Variants in SAMD12 observed in about 807,000 individuals in gnomAD.
SAMD12 encodes the protein sterile alpha motif domain containing 12.
In SAMD12, 9 loss-of-function variants were observed where a neutral mutation model predicts 15.0. The observed-to-expected ratio is 0.60, with a 90% CI of 0.36 to 1.05. SAMD12 has a LOEUF of 1.05. SAMD12 is among the 50% of genes least tolerant of loss of function. SAMD12 has a pLI of 0.01. For synonymous variants in SAMD12, 86 were observed against 90.1 expected (o/e 0.96, Z 0.25); for missense variants, 230 against 234.2 (o/e 0.98, Z 0.12).
At chr8:118,313,451 A>C (rs113238976) in intron 4 of SAMD12, among the ~76,000 whole-genome samples, 2,354 of 152,226 alleles carry the variant, frequency 0.015, 64 homozygotes, top group African/African-American at 0.053. Context: ...GAGACCTGCC[A>C]ATCTTCCCTC....
chr8:118,271,599 C>T (rs934062165), intron 4 of SAMD12, among the ~76,000 whole-genome samples: 1 of 152,152 alleles, frequency 6.6e-6, no homozygotes, highest in East Asian at 1.9e-4. Flanking sequence ...AAGTCCCTTC[C>T]ACCTATGAGC....
At chr8:118,294,970 A>G (rs1352071721) in intron 4 of SAMD12, among the ~76,000 whole-genome samples, 2 of 152,196 alleles carry the variant, frequency 1.3e-5, no homozygotes, top group Non-Finnish European at 2.9e-5. Context: ...TTATATAATT[A>G]TGGAGAAGGA....
At chr8:118,329,661 G>A (rs574330179) in intron 4 of SAMD12, among the ~76,000 whole-genome samples, 4 of 152,252 alleles carry the variant, frequency 2.6e-5, no homozygotes, top group East Asian at 3.9e-4. Flanking sequence ...GTACTGCGTC[G>A]CTTTGCCTGT....
intron 4 of SAMD12, among the ~76,000 whole-genome samples, chr8:118,201,370 G>A (rs766547279): frequency 1.1e-4 from 17 of 152,012 alleles, no homozygotes; most frequent in Non-Finnish European, 2.2e-4. Flanking sequence ...ACCACCTAGA[G>A]CGTCACTTCC....
At chr8:118,220,632 G>A (rs13278480) in intron 4 of SAMD12, among the ~76,000 whole-genome samples, 1 of 152,106 alleles carries the variant, frequency 6.6e-6, no homozygotes, top group Non-Finnish European at 1.5e-5. Context: ...ACAAACCCTA[G>A]GAGTCAGTTG....
At chr8:118,372,392 C>T (rs1819148611) in intron 4 of SAMD12, among the ~76,000 whole-genome samples, 1 of 151,104 alleles carries the variant, frequency 6.6e-6, no homozygotes, top group Non-Finnish European at 1.5e-5. Context: ...CTCCAGGAAG[C>T]ACTAGGTAGA....
intron 3 of SAMD12, among the ~76,000 whole-genome samples, chr8:118,405,379 A>C (rs1398560892): frequency 6.6e-6 from 1 of 151,956 alleles, no homozygotes; most frequent in Non-Finnish European, 1.5e-5. Context: ...AACAACAAAA[A>C]CTACAGCCAT....
At chr8:118,333,288 C>T (rs1193774330) in intron 4 of SAMD12, among the ~76,000 whole-genome samples, 4 of 152,150 alleles carry the variant, frequency 2.6e-5, no homozygotes, top group Non-Finnish European at 5.9e-5. Context: ...AATAAGTTGA[C>T]AGGGGCTCAG....
the SAMD12 span, among the ~76,000 whole-genome samples, chr8:118,158,665 G>A: frequency 1.3e-5 from 2 of 152,188 alleles, no homozygotes; most frequent in South Asian, 2.1e-4. Flanking sequence ...CAGTTCTGTG[G>A]ACCAGAGTGA....
At chr8:118,150,882 A>G in the SAMD12 span, among the ~76,000 whole-genome samples, 2 of 151,850 alleles carry the variant, frequency 1.3e-5, no homozygotes, top group Non-Finnish European at 2.9e-5. Context: ...TTTTGCCTTC[A>G]TTTTGAAAGG....
At chr8:118,137,790 CAT>C in the SAMD12 span, among the ~76,000 whole-genome samples, 19 of 152,134 alleles carry the variant, frequency 1.2e-4, no homozygotes, top group Admixed American at 9.2e-4. Flanking sequence ...AAAAACATCT[CAT>C]AATTTTTTAA....
intron 4 of SAMD12, among the ~76,000 whole-genome samples, chr8:118,327,060 G>A (rs1315490900): frequency 6.6e-6 from 1 of 152,204 alleles, no homozygotes; most frequent in Non-Finnish European, 1.5e-5. Flanking sequence ...CTACGTCAGA[G>A]ATTTGTTCAA....
At chr8:118,212,817 G>A (rs912651864) in intron 4 of SAMD12, among the ~76,000 whole-genome samples, 3 of 152,188 alleles carry the variant, frequency 2.0e-5, no homozygotes, top group African/African-American at 7.2e-5. Context: ...GTGCATCACT[G>A]CCATGTGACC....
intron 4 of SAMD12, among the ~76,000 whole-genome samples, chr8:118,260,245 T>G (rs930343537): frequency 2.0e-5 from 3 of 152,082 alleles, no homozygotes; most frequent in African/African-American, 7.2e-5. Flanking sequence ...TATATTTATG[T>G]GATTTATGGA....
intron 4 of SAMD12, among the ~76,000 whole-genome samples, chr8:118,364,718 A>T (rs1265251893): frequency 6.6e-6 from 1 of 152,176 alleles, no homozygotes; most frequent in Non-Finnish European, 1.5e-5. Flanking sequence ...GTAAAACAAA[A>T]CAATTCTGCT....
the SAMD12 span, among the ~76,000 whole-genome samples, chr8:118,151,753 C>G: frequency 6.6e-6 from 1 of 151,628 alleles, no homozygotes; most frequent in Non-Finnish European, 1.5e-5. Flanking sequence ...TGGCATGAAC[C>G]CGGGAAGCAG....
intron 4 of SAMD12, among the ~76,000 whole-genome samples, chr8:118,236,910 C>T (rs1812447731): frequency 6.6e-6 from 1 of 152,106 alleles, no homozygotes; most frequent in Admixed American, 6.5e-5. Context: ...TCTAATCAGC[C>T]CTGAGAAGAC....
At chr8:118,187,078 C>T (rs1819255570), downstream of SAMD12, among the ~76,000 whole-genome samples, 1 of 152,164 alleles carries the variant, frequency 6.6e-6, no homozygotes, top group African/African-American at 2.4e-5. Flanking sequence ...GGTTACACTA[C>T]TAAAAGGAGA....
chr8:118,206,797 A>T (rs2514955), intron 4 of SAMD12, among the ~76,000 whole-genome samples: 78,086 of 152,010 alleles, frequency 0.51, 21,573 homozygotes, highest in Non-Finnish European at 0.62. Context: ...GTGACTTTGA[A>T]TTCATAATAA....
Sources: allele counts gnomAD v4.1 joint callset (sites outside exome capture counted in the v4.1 genomes callset), GRCh38; gene constraint gnomAD v4.1.1; transcripts MANE v1.5; gene names NCBI Gene and HGNC (gene_info 2026-07-23, HGNC 2026-07-21).